Variants in PIK3C3 observed in about 807,000 individuals in gnomAD.
PIK3C3 encodes the protein PI3-kinase type 3.
In PIK3C3, 95 loss-of-function variants were observed where a neutral mutation model predicts 126.1. The ratio of observed to expected loss-of-function variants is 0.75; its 90% CI spans 0.64 to 0.89. The LOEUF is 0.89. Ranked by LOEUF, PIK3C3 falls within the 40% of genes least tolerant of loss-of-function variation. The pLI is 0.00. For missense variants in PIK3C3, 829 were observed against 1,063.2 expected (o/e 0.78, Z 3.06); for synonymous variants, 374 against 360.0 (o/e 1.04, Z -0.44).
chr18:42,078,300 C>T (rs1986105252), intron 24 of PIK3C3, among the ~76,000 whole-genome samples: 1 of 148,858 alleles, frequency 6.7e-6, no homozygotes, highest in Admixed American at 6.8e-5. Context: ...TGGCGTGAAC[C>T]CGGGAAGCGG....
At chr18:42,069,167 GTC>G in intron 24 of PIK3C3, among the ~76,000 whole-genome samples, 2 of 152,236 alleles carry the variant, frequency 1.3e-5, no homozygotes, top group African/African-American at 4.8e-5. Flanking sequence ...CTGAACACCA[GTC>G]TTGATCATAT....
At chr18:41,985,926 A>C (rs1042464129) in intron 4 of PIK3C3, among the ~76,000 whole-genome samples, 6 of 152,124 alleles carry the variant, frequency 3.9e-5, no homozygotes, top group African/African-American at 1.4e-4. Context: ...AAAAGTTCCC[A>C]CCACATTCTC....
chr18:42,053,267 C>T (rs1299893531), intron 21 of PIK3C3, among the ~76,000 whole-genome samples: 1 of 152,168 alleles, frequency 6.6e-6, no homozygotes, highest in Non-Finnish European at 1.5e-5. Context: ...GTAATGTTCT[C>T]AAATGCAAAA....
chr18:42,081,806 T>C lies in PIK3C3; in HGVS notation c.*669T>C, dbSNP rs1315189723. 22 of 152,208 alleles carry C rather than the reference T, an allele frequency of 1.4e-4. No homozygotes were observed. The highest frequency in any genetic ancestry group is 1.4e-3 in the Admixed American group (21 of 15,268). 9.4% of individuals were successfully genotyped at this position (152,208 alleles called of 1,614,324 possible). On this transcript the variant is annotated 3_prime_UTR_variant, in exon 25 of 25. Transcript: ENST00000262039. ...GCTTGTAAGTGTGTAAAGTAGAATA[T>C]GAAAATGTGGCTATTTAGATAACTG...
rs1364283038 is a variant in PIK3C3, at chr18:41,955,362, AAG to A, written c.68+7_68+8del. On this transcript the variant is annotated splice_donor_5th_base_variant and intron_variant, in intron 1 of 24. Transcript: ENST00000262039. The stretch of plus-strand genomic sequence containing the variant: ...GATATCAACGTCCAGCTTAAGATGT[AAG>A]AGAACACTCGGGACAGGGAGTGGGA... 6.2e-7 allele frequency: 1 copy of A among 1,612,178 alleles called. No homozygotes were observed. The highest frequency in any genetic ancestry group is 1.7e-5 in the Admixed American group (1 of 59,908).
At chr18:42,064,329 A>T (rs1223968130) in intron 22 of PIK3C3, among the ~76,000 whole-genome samples, 1 of 152,182 alleles carries the variant, frequency 6.6e-6, no homozygotes, top group Non-Finnish European at 1.5e-5. Flanking sequence ...TCATTTAGCC[A>T]TGACACACTG....
intron 19 of PIK3C3, among the ~76,000 whole-genome samples, 156 bp from the exon 20 acceptor site, chr18:42,043,577 C>T (rs1416058457): frequency 3.9e-5 from 6 of 152,058 alleles, no homozygotes; most frequent in Non-Finnish European, 5.9e-5. Context: ...GTGTATTTAT[C>T]GCACTCTTAC....
At position 41,957,687 on chromosome 18, in the gene PIK3C3, A is replaced by G. The variant is rs1396587694; in HGVS notation, c.186A>G (p.Gln62=). 1.2e-6 allele frequency: 2 copies of G among 1,613,854 alleles called. No individual in the cohort carries two copies. Among genetic ancestry groups the G allele is most frequent in the Non-Finnish European group, 8.5e-7 (1 of 1,179,932 alleles). ...ETCSDLYVTC[Q]VFAEGKPLAL... is the part of the protein sequence containing the mutation. ...GCTCTGATCTTTATGTTACTTGTCA[A>G]GTTTTTGCAGAAGGGAAGCCTTTGG... The change falls in exon 2 of 25, where the codon CAA becomes CAG. Residue 62 remains glutamine (Q), a synonymous_variant. Transcript: ENST00000262039.
intron 11 of PIK3C3, among the ~76,000 whole-genome samples, chr18:42,014,448 A>G (rs1006754919): frequency 1.3e-5 from 2 of 152,214 alleles, no homozygotes; most frequent in African/African-American, 4.8e-5. Context: ...TTATCGTGTT[A>G]CAACTGTCCT....
rs557772207 is a variant in PIK3C3 at position 42,070,759 on chromosome 18, C to T, written c.2649+3246C>T. On this transcript the variant is annotated intron_variant, in intron 24 of 24. Transcript: ENST00000262039. ...GGTTGGTAAATGAAATCTGCCTCTC[C>T]CCTCTCCCCATCTTAGGGATGGTTA... Among the ~76,000 whole-genome samples the T allele has an allele frequency of 8.5e-5, 13 of 152,216 alleles. No individual in the cohort carries two copies. The East Asian group carries it at 2.5e-3, about 29-fold the overall frequency.
At chr18:41,985,195 A>T (rs1981406651) in intron 4 of PIK3C3, 1 of 152,200 alleles carries the variant, frequency 6.6e-6, no homozygotes, top group Non-Finnish European at 1.5e-5. Flanking sequence ...ACAAGAAAAA[A>T]TTATTTAAAT....
Position 42,086,179 on chromosome 18 carries a change from C to T in PIK3C3, c.*5042C>T, listed in dbSNP as rs953400069. On this transcript the variant is annotated 3_prime_UTR_variant, in exon 25 of 25. Transcript: ENST00000262039. ...TTCAGTGTTTGCATTAGATTGTCAC[C>T]AGCACTATCTGCCTTGTGACTGTCA... 3.9e-5 allele frequency: 6 copies of T among 152,124 alleles called. No individual in the cohort carries two copies. The East Asian group carries it at 1.2e-3, about 29-fold the overall frequency. 9.4% of individuals were successfully genotyped at this position (152,124 alleles called of 1,614,324 possible). A position where few individuals can be genotyped will look rare whatever the true frequency, so the allele number is the denominator to read the frequency against.
At chr18:42,065,434 T>A (rs1412810514) in intron 23 of PIK3C3, among the ~76,000 whole-genome samples, 2 of 152,214 alleles carry the variant, frequency 1.3e-5, no homozygotes, top group Non-Finnish European at 2.9e-5. Flanking sequence ...ATGAAAATTA[T>A]GGAACTGAAA....
intron 9 of PIK3C3, among the ~76,000 whole-genome samples, chr18:42,003,374 A>G (rs1687381548): frequency 1.3e-5 from 2 of 152,306 alleles, no homozygotes; most frequent in African/African-American, 2.4e-5. Flanking sequence ...TTCAGCCAGG[A>G]AAGTGTTGCC....
At chr18:41,970,783 C>T in intron 4 of PIK3C3, 2 of 476,206 alleles carry the variant, frequency 4.2e-6, no homozygotes, top group Non-Finnish European at 7.4e-6. Flanking sequence ...TACTAATCTA[C>T]TTACTATCTG....
intron 24 of PIK3C3, among the ~76,000 whole-genome samples, chr18:42,074,242 C>T (rs949084145): frequency 2.0e-5 from 3 of 152,114 alleles, no homozygotes; most frequent in Non-Finnish European, 4.4e-5. Flanking sequence ...TTACATGATA[C>T]ATTAGCAAAG....
intron 13 of PIK3C3, 116 bp downstream of exon 13, chr18:42,020,821 A>T: frequency 1.6e-6 from 1 of 635,788 alleles, no homozygotes. Flanking sequence ...AAAAGTCTAG[A>T]TATAGTATTT....
intron 22 of PIK3C3, among the ~76,000 whole-genome samples, chr18:42,062,032 G>A (rs1985337851): frequency 6.6e-6 from 1 of 152,008 alleles, no homozygotes; most frequent in Admixed American, 6.6e-5. Context: ...TTGGGCTCAG[G>A]CATTGATACA....
intron 9 of PIK3C3, among the ~76,000 whole-genome samples, chr18:42,000,894 A>T (rs1057470965): frequency 6.6e-6 from 1 of 152,174 alleles, no homozygotes; most frequent in African/African-American, 2.4e-5. Flanking sequence ...GTGGGAGCTG[A>T]AGATGAGATT....
Sources: allele counts gnomAD v4.1 joint callset (sites outside exome capture counted in the v4.1 genomes callset), GRCh38; gene constraint gnomAD v4.1.1; transcripts MANE v1.5; gene names NCBI Gene and HGNC (gene_info 2026-07-23, HGNC 2026-07-21).